The following PIK3C2G variants were observed in gnomAD, a reference collection of about 807,000 sequenced individuals.
PIK3C2G encodes the protein phosphatidylinositol 3-kinase C2 domain-containing subunit gamma.
PIK3C2G carries 168 observed loss-of-function variants against 181.1 expected under a neutral mutation model. That is an observed-to-expected ratio of 0.93 (90% CI 0.82 to 1.05). The LOEUF is 1.05. Among genes scored for constraint, PIK3C2G ranks in the 50% least tolerant of loss-of-function variants. PIK3C2G has a pLI of 0.00. For missense variants in PIK3C2G, 1,869 were observed against 1,732.8 expected, an observed-to-expected ratio of 1.08 and a Z score of -1.40; for synonymous variants, 573 against 592.2, an observed-to-expected ratio of 0.97 and a Z score of 0.47.
chr12:18,464,078 T>C (rs1237154281), intron 18 of PIK3C2G, among the ~76,000 whole-genome samples: 2 of 152,072 alleles, frequency 1.3e-5, no homozygotes, highest in Non-Finnish European at 2.9e-5. Context: ...AAATTGTGGA[T>C]TTGTGGAGTG....
At chr12:18,247,322 A>G (rs1948050462), upstream of PIK3C2G, among the ~76,000 whole-genome samples, 1 of 152,218 alleles carries the variant, frequency 6.6e-6, no homozygotes, top group South Asian at 2.1e-4. Context: ...CAGGACAATT[A>G]GAGTCACTGA....
rs148797638 is a variant in PIK3C2G at position 18,335,162 on chromosome 12, G to A, written c.1273-3264G>A. Among the ~76,000 whole-genome samples, 1,123 of 152,098 alleles carry A rather than the reference G, an allele frequency of 7.4e-3. 21 individuals carry two copies. In the South Asian group the frequency reaches 0.078, roughly 11 times the overall value. ...GTTTTTCTTCTCCCACTTTTTACAG[G>A]TGGCTGCTATCCAATGTCTGAGGAC... On this transcript the variant is annotated intron_variant, in intron 8 of 32. Coordinates refer to ENST00000538779, the MANE Select transcript of PIK3C2G (RefSeq NM_001288772.2).
intron 30 of PIK3C2G, among the ~76,000 whole-genome samples, chr12:18,599,458 T>C (rs1180879392): frequency 7.1e-6 from 1 of 140,490 alleles, no homozygotes; most frequent in Admixed American, 7.5e-5. Flanking sequence ...TGAGAACACA[T>C]GGACACAGGA....
At chr12:18,306,149 T>A (rs1950411901) in intron 5 of PIK3C2G, among the ~76,000 whole-genome samples, 1 of 152,012 alleles carries the variant, frequency 6.6e-6, no homozygotes, top group Non-Finnish European at 1.5e-5. Context: ...AAAATAACCA[T>A]ATTTGAGTGA....
At chr12:18,531,730 AAAT>A (rs1943565465) in intron 24 of PIK3C2G, among the ~76,000 whole-genome samples, 1 of 152,212 alleles carries the variant, frequency 6.6e-6, no homozygotes, top group Non-Finnish European at 1.5e-5. Context: ...TTTTATTGAC[AAAT>A]AACATTTCTT....
chr12:18,445,891 CTGAA>C (rs756766822), intron 18 of PIK3C2G, among the ~76,000 whole-genome samples: 13 of 152,094 alleles, frequency 8.5e-5, no homozygotes, highest in Non-Finnish European at 1.9e-4. Context: ...TAGAACATCT[CTGAA>C]TGGATACAAA....
intron 14 of PIK3C2G, among the ~76,000 whole-genome samples, chr12:18,383,988 T>A (rs955524882): frequency 3.7e-5 from 3 of 80,944 alleles, no homozygotes; most frequent in African/African-American, 1.2e-4. Context: ...ATTATTATTA[T>A]TTTTTTTTTT....
At chr12:18,284,383 G>T (rs1460928750) in intron 2 of PIK3C2G, among the ~76,000 whole-genome samples, 4 of 151,884 alleles carry the variant, frequency 2.6e-5, no homozygotes, top group Non-Finnish European at 5.9e-5. Context: ...AGGCAAATAA[G>T]ACAAGGATTT....
At chr12:18,605,543 TTATGC>T (rs1947972484) in intron 30 of PIK3C2G, among the ~76,000 whole-genome samples, 1 of 152,130 alleles carries the variant, frequency 6.6e-6, no homozygotes. Context: ...GAAGCCAGCA[TTATGC>T]TAATACCAAA....
intron 26 of PIK3C2G, among the ~76,000 whole-genome samples, chr12:18,559,813 TATATATATAGAGAGAGAGAGAGAGAGAG>T (rs1163760476): frequency 7.5e-4 from 21 of 27,958 alleles, no homozygotes; most frequent in Admixed American, 1.7e-3. Flanking sequence ...TATATATATA[TATATATATAGAGAGAGAGAGAGAGAGAG>T]AGAGAGAGAG....
chr12:18,590,169 G>C (rs543176061), intron 29 of PIK3C2G, among the ~76,000 whole-genome samples: 67 of 148,844 alleles, frequency 4.5e-4, no homozygotes, highest in South Asian at 2.8e-3. Context: ...GAATTAAGCA[G>C]AAAAGAAACG....
chr12:18,383,156 TCTA>T (rs1942951642), intron 14 of PIK3C2G, among the ~76,000 whole-genome samples: 1 of 152,204 alleles, frequency 6.6e-6, no homozygotes, highest in South Asian at 2.1e-4. Context: ...GTAAACATAT[TCTA>T]CTAATGAAGA....
the PIK3C2G span, among the ~76,000 whole-genome samples, chr12:18,673,678 G>A: frequency 6.6e-6 from 1 of 152,170 alleles, no homozygotes; most frequent in Admixed American, 6.6e-5. Flanking sequence ...CAGCTACTGG[G>A]CCCTCTGATT....
chr12:18,315,676 C>T lies in PIK3C2G; in HGVS notation c.1137+1612C>T, dbSNP rs936051785. 2.6e-5 allele frequency among the ~76,000 whole-genome samples: 4 copies of T among 151,950 alleles called. No individual in the cohort carries two copies. In the East Asian group the frequency reaches 5.8e-4, roughly 22 times the overall value. On this transcript the variant is annotated intron_variant, in intron 6 of 32. Transcript: ENST00000538779. ...GTAAACACTATTAAAAATAAGGAAACGGAATCACAGGGAGGTATCAAGACT... is the reference window on the plus strand; with the variant it reads ...GTAAACACTATTAAAAATAAGGAAATGGAATCACAGGGAGGTATCAAGACT...
chr12:18,427,301 T>A (rs1945872428), intron 18 of PIK3C2G, among the ~76,000 whole-genome samples: 1 of 150,762 alleles, frequency 6.6e-6, no homozygotes, highest in African/African-American at 2.4e-5. Context: ...AGGTCAGGAG[T>A]CCGAGATCAG....
chr12:18,660,670 A>G, the PIK3C2G span, among the ~76,000 whole-genome samples: 1 of 152,130 alleles, frequency 6.6e-6, no homozygotes, highest in Non-Finnish European at 1.5e-5. Flanking sequence ...AAAACAGAAC[A>G]GATACAGCAA....
At chr12:18,355,973 C>T (rs374868053) in intron 11 of PIK3C2G, among the ~76,000 whole-genome samples, 1 of 152,128 alleles carries the variant, frequency 6.6e-6, no homozygotes, top group South Asian at 2.1e-4. Flanking sequence ...TGGCTGACAC[C>T]TTGATAGACA....
chr12:18,454,645 C>A (rs1044427512), intron 18 of PIK3C2G, among the ~76,000 whole-genome samples: 1 of 152,102 alleles, frequency 6.6e-6, no homozygotes, highest in Non-Finnish European at 1.5e-5. Context: ...AAGGCAAAAG[C>A]AGAAAAGTCA....
chr12:18,274,006 C>T (rs1330050844), intron 1 of PIK3C2G, among the ~76,000 whole-genome samples: 2 of 152,242 alleles, frequency 1.3e-5, no homozygotes, highest in South Asian at 2.1e-4. Context: ...TGAACAGACA[C>T]TTCTTGAAAG....
Sources: gnomAD v4.1 joint callset for allele counts (sites outside exome capture counted in the v4.1 genomes callset) on GRCh38, gnomAD v4.1.1 for gene constraint, MANE v1.5 for transcripts, NCBI Gene and HGNC (gene_info 2026-07-23, HGNC 2026-07-21) for gene names.